Variants in PRAG1 observed in about 807,000 individuals in gnomAD.
The protein encoded by PRAG1 is PEAK1 related, kinase-activating pseudokinase 1, also known as inactive tyrosine-protein kinase PRAG1.
Under a neutral mutation model 95.6 loss-of-function variants are expected in PRAG1, and 110 were observed. The ratio of observed to expected loss-of-function variants is 1.15; its 90% CI spans 0.99 to 1.35. The LOEUF (loss-of-function observed/expected upper bound fraction) is 1.35. Ranked by LOEUF, PRAG1 falls within the 40% of genes most tolerant of loss-of-function variation. The pLI is 0.00. For missense variants in PRAG1, 2,554 were observed against 1,864.7 expected (o/e 1.37, Z -6.81); for synonymous variants, 1,052 against 819.4 (o/e 1.28, Z -4.85).
Position 8,319,116 on chromosome 8 carries a change from A to C in PRAG1, c.3259T>G (p.Cys1087Gly). The change falls in exon 6 of 6, where the codon TGC (cysteine) becomes GGC (glycine). Residue 1087 changes from cysteine (C) to glycine (G), a missense_variant. By Grantham distance (159) the Cys-to-Gly change is radical. Coordinates refer to ENST00000615670, the MANE Select transcript of PRAG1 (RefSeq NM_001080826.3). The stretch of plus-strand genomic sequence containing the variant: ...ACCTCTCGGGTGATGACCACCACGC[A>C]GTCCTGCTCCTGGGCAGGGGGGTGT... ...PTHPPAQEQDCVVVITREVPH... is the reference protein window; with the variant it reads ...PTHPPAQEQDGVVVITREVPH... 6.2e-7 allele frequency: 1 copy of C among 1,607,448 alleles called. No individual in the cohort carries two copies. The highest frequency in any genetic ancestry group is 8.5e-7 in the Non-Finnish European group (1 of 1,177,876).
Position 8,318,547 on chromosome 8 carries a change from C to T in PRAG1, c.3828G>A (p.Gln1276=), listed in dbSNP as rs1261972672. ...HQPNPFEVRA[Q]LRERDYRQED... ...CCTGCCGGTAGTCTCTCTCCCGCAGCTGGGCGCGCACCTCGAACGGGTTGG... is the reference window on the plus strand; with the variant it reads ...CCTGCCGGTAGTCTCTCTCCCGCAGTTGGGCGCGCACCTCGAACGGGTTGG... The change falls in exon 6 of 6, where the codon CAG becomes CAA. Residue 1276 remains glutamine, a synonymous_variant. Coordinates refer to ENST00000615670, the MANE Select transcript of PRAG1 (RefSeq NM_001080826.3). This position sits in a 1 kb window ranked among gnomAD's most constrained non-coding sequence, Gnocchi z 4.2. 1.2e-6 allele frequency: 2 copies of T among 1,613,632 alleles called. No individual in the cohort carries two copies. The highest frequency in any genetic ancestry group is 1.7e-5 in the Admixed American group (1 of 60,016).
chr8:8,377,238 G>A lies in PRAG1; in HGVS notation c.1171C>T (p.Leu391Phe), dbSNP rs887983430. The A allele has an allele frequency of 1.9e-6, 3 of 1,612,870 alleles. No homozygotes were observed. Among genetic ancestry groups the A allele is most frequent in the Non-Finnish European group, 8.5e-7 (1 of 1,179,976 alleles). ...GCPGVTPSRC[L>F]GLTGEPQPPA... ...GGCTGGGGCTCCCCCGTCAGCCCAA[G>A]GCATCTGCTAGGGGTCACCCCTGGG... Residue 391 changes from leucine to phenylalanine, a missense_variant, in exon 3 of 6, where the codon CTT (leucine) becomes TTT (phenylalanine). Leu to Phe is a conservative substitution (Grantham distance 22). Transcript: ENST00000615670.
At chr8:8,320,830 T>C (rs1798450949) in intron 5 of PRAG1, among the ~76,000 whole-genome samples, 1 of 152,222 alleles carries the variant, frequency 6.6e-6, no homozygotes, top group Admixed American at 6.5e-5. Flanking sequence ...CACGGAGATT[T>C]ATTTATATTG....
Position 8,318,461 on chromosome 8 carries a change from T to C in PRAG1, c.3914A>G (p.His1305Arg), listed in dbSNP as rs368797597. ...GATGGGGTCGGCCTCCAGTAGCAGA[T>C]GTGCCAGCTGCTGCAGGCCGGGTGA... ...LYSPGLQQLAHLLLEADPIKR... is the reference protein window; with the variant it reads ...LYSPGLQQLARLLLEADPIKR... The change falls in exon 6 of 6, where the codon CAT becomes CGT. Residue 1305 changes from histidine to arginine, a missense_variant. Physicochemically the swap from His to Arg is conservative, Grantham distance 29 (BLOSUM62 0). Coordinates refer to ENST00000615670, the MANE Select transcript of PRAG1 (RefSeq NM_001080826.3). The surrounding 1 kb of genome is among the most constrained non-coding windows in gnomAD (Gnocchi z 4.2). The C allele has an allele frequency of 2.5e-6, 4 of 1,612,180 alleles. No homozygotes were observed. The African/African-American group carries it at 5.3e-5, about 22-fold the overall frequency.
rs747069802 is a variant in PRAG1, at chr8:8,381,399, G to C, written c.330+19C>G. 6.3e-7 allele frequency: 1 copy of C among 1,587,884 alleles called. No homozygotes were observed. Among genetic ancestry groups the C allele is most frequent in the Admixed American group, 1.7e-5 (1 of 58,392 alleles). ...GGAGCAGCCCCTGTAAAAATACCAC[G>C]AGTGTTAGTCAGCCTCACCTGCGAG... On this transcript the variant is annotated intron_variant, in intron 2 of 5. Coordinates refer to ENST00000615670, the MANE Select transcript of PRAG1 (RefSeq NM_001080826.3).
chr8:8,362,727 C>G (rs1445401409), intron 3 of PRAG1, among the ~76,000 whole-genome samples: 5 of 152,224 alleles, frequency 3.3e-5, no homozygotes, highest in African/African-American at 1.2e-4. Flanking sequence ...AATCCTGCCA[C>G]AAGAGCACAC....
intron 3 of PRAG1, among the ~76,000 whole-genome samples, chr8:8,340,668 G>A (rs1585236315): frequency 6.6e-6 from 1 of 152,244 alleles, no homozygotes; most frequent in African/African-American, 2.4e-5. Flanking sequence ...GCTGTTCTTT[G>A]TGTTCAACAT....
At chr8:8,385,362 C>G (rs1262614227) in intron 1 of PRAG1, among the ~76,000 whole-genome samples, 2 of 152,064 alleles carry the variant, frequency 1.3e-5, no homozygotes, top group Admixed American at 1.3e-4. Flanking sequence ...TTTTCTTCCT[C>G]CAGTGCTGGA....
rs777148627 is a variant in PRAG1, at chr8:8,318,300, G to A, written c.4075C>T (p.Arg1359Trp). The change falls in exon 6 of 6, where the codon CGG (arginine) becomes TGG (tryptophan). Residue 1359 changes from arginine to tryptophan, a missense_variant. Coordinates refer to ENST00000615670, the MANE Select transcript of PRAG1 (RefSeq NM_001080826.3). The surrounding 1 kb of genome is among the most constrained non-coding windows in gnomAD (Gnocchi z 4.2). Reference sequence around the variant, plus strand: ...GCAAACTTCATCATCATCAGGGCCCGCTTCATGTCGATCCAGTTGTGCAGC... The same window carrying A: ...GCAAACTTCATCATCATCAGGGCCCACTTCATGTCGATCCAGTTGTGCAGC... ...GTLHNWIDMKRALMMMKFAEK... is the reference protein window; with the variant it reads ...GTLHNWIDMKWALMMMKFAEK... 1.2e-6 allele frequency: 2 copies of A among 1,614,066 alleles called. No homozygotes were observed. Among genetic ancestry groups the A allele is most frequent in the East Asian group, 2.2e-5 (1 of 44,890 alleles).
Position 8,328,106 on chromosome 8 carries a change from C to G in PRAG1, c.2676G>C (p.Trp892Cys), listed in dbSNP as rs1387488617. The G allele has an allele frequency of 1.9e-6, 3 of 1,612,656 alleles. No individual in the cohort carries two copies. The highest frequency in any genetic ancestry group is 1.7e-6 in the Non-Finnish European group (2 of 1,178,826). Reference sequence around the variant, plus strand: ...TGCCCGCCAGCCCTGCTGCCGGAAGCCAGTGGCCACTGCCTTTGAAAGCTT... The same window carrying G: ...TGCCCGCCAGCCCTGCTGCCGGAAGGCAGTGGCCACTGCCTTTGAAAGCTT... ...LEKAFKGSGH[W>C]LPAAGLAGNR... The change falls in exon 5 of 6, where the codon TGG (tryptophan) becomes TGC (cysteine). Residue 892 changes from tryptophan (W) to cysteine (C), a missense_variant. Physicochemically the swap from Trp to Cys is radical, Grantham distance 215 (BLOSUM62 -2). Transcript: ENST00000615670.
rs73523420 is a variant in PRAG1, at chr8:8,355,915, T to C, written c.2163-16280A>G. Among the ~76,000 whole-genome samples the C allele has an allele frequency of 7.9e-3, 1,199 of 152,030 alleles. 13 individuals carry two copies. Among genetic ancestry groups the C allele is most frequent in the African/African-American group, 0.028 (1,146 of 41,456 alleles). On this transcript the variant is annotated intron_variant, in intron 3 of 5. Coordinates refer to ENST00000615670, the MANE Select transcript of PRAG1 (RefSeq NM_001080826.3). ...AAAGCTCAGACTACAAAAGCAAAAA[T>C]AAATAAATGGAACTACATCAAACAG...
Position 8,376,783 on chromosome 8 carries a change from G to C in PRAG1, c.1626C>G (p.Pro542=). The C allele has an allele frequency of 1.2e-6, 2 of 1,610,978 alleles. No individual in the cohort carries two copies. ...SASESKPKER[P]AIPPKLSKSS... ...TCTTGGACAACTTGGGGGGAATGGC[G>C]GGCCTCTCCTTGGGCTTGCTCTCGC... Residue 542 remains proline (P), a synonymous_variant, in exon 3 of 6, where the codon CCC becomes CCG. Transcript: ENST00000615670.
intron 3 of PRAG1, among the ~76,000 whole-genome samples, chr8:8,347,860 A>G (rs1346895382): frequency 6.7e-6 from 1 of 148,214 alleles, no homozygotes; most frequent in Admixed American, 6.6e-5. Context: ...TCTGTCACCC[A>G]GGCTGGAGTG....
intron 3 of PRAG1, among the ~76,000 whole-genome samples, chr8:8,358,071 C>T (rs1799735422): frequency 6.6e-6 from 1 of 152,178 alleles, no homozygotes; most frequent in South Asian, 2.1e-4. Flanking sequence ...CTTCCAATGC[C>T]AATCCAAAGC....
At chr8:8,336,889 TCCCCTCCCCACA>T (rs1799000490) in intron 4 of PRAG1, among the ~76,000 whole-genome samples, 1 of 51,616 alleles carries the variant, frequency 1.9e-5, no homozygotes, top group African/African-American at 1.0e-4. Flanking sequence ...TTCCCCCCAC[TCCCCTCCCCACA>T]CCCCTTTCCC....
intron 5 of PRAG1, among the ~76,000 whole-genome samples, chr8:8,321,560 G>C (rs1051369613): frequency 6.6e-6 from 1 of 152,216 alleles, no homozygotes; most frequent in Non-Finnish European, 1.5e-5. Flanking sequence ...TACAGACTGG[G>C]CTCTTGCATG....
rs749926906 is a variant in PRAG1, at chr8:8,381,422, G to A, written c.326C>T (p.Ser109Leu). Reference protein sequence around the residue: ...WTEANLSAEVSQVIWRRAPGK... With the variant: ...WTEANLSAEVLQVIWRRAPGK... ...ACGAGTGTTAGTCAGCCTCACCTGCGAGACTTCGGCACTCAGGTTGGCCTC... is the reference window on the plus strand; with the variant it reads ...ACGAGTGTTAGTCAGCCTCACCTGCAAGACTTCGGCACTCAGGTTGGCCTC... The change falls in exon 2 of 6, where the codon TCG becomes TTG. Residue 109 changes from serine to leucine, a missense_variant. By Grantham distance (145) the Ser-to-Leu change is moderately radical. Transcript: ENST00000615670. 19 of 1,602,856 alleles carry A rather than the reference G, an allele frequency of 1.2e-5. No individual in the cohort carries two copies. The highest frequency in any genetic ancestry group is 4.0e-5 in the African/African-American group (3 of 74,846).
chr8:8,320,107 CG>C (rs1798427386), intron 5 of PRAG1, among the ~76,000 whole-genome samples: 1 of 152,188 alleles, frequency 6.6e-6, no homozygotes, highest in Non-Finnish European at 1.5e-5. Context: ...ACAGTGTGGT[CG>C]GGAGGTATTG....
intron 3 of PRAG1, among the ~76,000 whole-genome samples, chr8:8,369,341 C>A (rs1026107865): frequency 6.6e-6 from 1 of 152,154 alleles, no homozygotes; most frequent in Non-Finnish European, 1.5e-5. Context: ...GGAGGAGATG[C>A]AAACGTGGAC....
Sources: allele counts gnomAD v4.1 joint callset (sites outside exome capture counted in the v4.1 genomes callset), GRCh38; gene constraint gnomAD v4.1.1; non-coding constraint Gnocchi (gnomAD v3.1); transcripts MANE v1.5; gene names NCBI Gene and HGNC (gene_info 2026-07-23, HGNC 2026-07-21).